The following RYR2 variants were observed in gnomAD, a reference collection of about 807,000 sequenced individuals.
The protein encoded by RYR2 is ryanodine receptor 2.
A neutral mutation model predicts 601.1 loss-of-function variants in RYR2; 227 were observed. The ratio of observed to expected loss-of-function variants is 0.38; its 90% CI spans 0.34 to 0.42. The LOEUF is 0.42. RYR2 is among the 10% of genes least tolerant of loss of function. RYR2 has a pLI of 1.00. For synonymous variants in RYR2, 2,223 were observed against 2,175.1 expected (o/e 1.02, Z -0.61); for missense variants, 4,646 against 6,156.5 (o/e 0.75, Z 8.21).
At position 237,702,007 on chromosome 1, in the gene RYR2, A is replaced by G. The variant is rs1032783973; in HGVS notation, c.9397A>G (p.Ile3133Val). The change falls in exon 66 of 105, where the codon ATT (isoleucine) becomes GTT (valine). Residue 3133 changes from isoleucine (I) to valine (V), a missense_variant. Coordinates refer to ENST00000366574, the MANE Select transcript of RYR2 (RefSeq NM_001035.3). ...LEDVQVSCYRILTSLYALGTS... is the reference protein window; with the variant it reads ...LEDVQVSCYRVLTSLYALGTS... ...AGATGTCCAGGTGTCTTGTTATAGA[A>G]TTCTGACTAGCTTATATGCTTTGGG... 16 of 1,608,814 alleles carry G rather than the reference A, an allele frequency of 9.9e-6. No homozygotes were observed. The African/African-American group carries it at 2.0e-4, about 20-fold the overall frequency.
intron 82 of RYR2, 81 bp downstream of exon 82, chr1:237,757,857 T>C (rs1693087390): frequency 1.1e-6 from 1 of 939,318 alleles, no homozygotes; most frequent in Middle Eastern, 2.2e-4. Flanking sequence ...TGTAAAATGT[T>C]TTATTTTCTA....
At chr1:237,065,105 G>A (rs1351762931) in intron 1 of RYR2, among the ~76,000 whole-genome samples, 1 of 151,770 alleles carries the variant, frequency 6.6e-6, no homozygotes, top group African/African-American at 2.4e-5. Context: ...TTTCTCATTG[G>A]TTATATTTTA....
rs572545884 is a variant in RYR2, at chr1:237,385,148, C to T, written c.577-2133C>T. Among the ~76,000 whole-genome samples the T allele has an allele frequency of 1.6e-4, 24 of 152,228 alleles. No individual in the cohort carries two copies. The East Asian group carries it at 4.6e-3, about 29-fold the overall frequency. On this transcript the variant is annotated intron_variant, in intron 8 of 104. Transcript: ENST00000366574. The stretch of plus-strand genomic sequence containing the variant: ...TCGTGATCCACCTGCCTCAGTCTCC[C>T]ATAGTGCTGTGATTACAGGCGTGAG...
At chr1:237,463,345 G>A (rs987291837) in intron 16 of RYR2, among the ~76,000 whole-genome samples, 1 of 152,124 alleles carries the variant, frequency 6.6e-6, no homozygotes, top group Non-Finnish European at 1.5e-5. Flanking sequence ...AATTTTTAAA[G>A]TGAAGGTAAT....
chr1:237,410,745 G>T (rs933747613), intron 10 of RYR2, among the ~76,000 whole-genome samples: 1 of 152,132 alleles, frequency 6.6e-6, no homozygotes, highest in African/African-American at 2.4e-5. Flanking sequence ...AAGTCATAGT[G>T]GTGGGTGTCA....
chr1:237,653,127 T>C (rs1017668908), intron 51 of RYR2, among the ~76,000 whole-genome samples: 1 of 152,198 alleles, frequency 6.6e-6, no homozygotes. Context: ...TCCAGTTTAG[T>C]TCTAAACAAG....
chr1:237,753,711 T>A (rs988928341), intron 80 of RYR2, among the ~76,000 whole-genome samples: 11 of 152,160 alleles, frequency 7.2e-5, no homozygotes, highest in African/African-American at 2.7e-4. Context: ...CAGGTGGTGT[T>A]TATTTAAGAG....
In RYR2 at chr1:237,647,414, T is replaced by C. The variant is rs79533991; in HGVS notation, c.7343-1030T>C. Among the ~76,000 whole-genome samples, 547 of 152,354 alleles carry C rather than the reference T, an allele frequency of 3.6e-3. 6 individuals carry two copies. The highest frequency in any genetic ancestry group is 0.013 in the African/African-American group (525 of 41,590). ...CAACACATCAGAACTATTATTCTTA[T>C]AATGTAAGGAAAGGAATGTATTAGT... On this transcript the variant is annotated intron_variant, in intron 48 of 104. Coordinates refer to ENST00000366574, the MANE Select transcript of RYR2 (RefSeq NM_001035.3).
At chr1:237,626,580 CTTT>C (rs60885998) in intron 40 of RYR2, among the ~76,000 whole-genome samples, 54 of 40,028 alleles carry the variant, frequency 1.3e-3, no homozygotes, top group African/African-American at 4.9e-3. Flanking sequence ...TTTTCTTTTT[CTTT>C]TTTTTTTTTT....
chr1:237,798,923 A>AT lies in RYR2; in HGVS notation c.14090+757dup, dbSNP rs140553456. 9.3e-3 allele frequency among the ~76,000 whole-genome samples: 1,412 copies of AT among 152,284 alleles called. 25 individuals carry two copies. Among genetic ancestry groups the AT allele is most frequent in the African/African-American group, 0.032 (1,349 of 41,558 alleles). On this transcript the variant is annotated intron_variant, in intron 97 of 104. Coordinates refer to ENST00000366574, the MANE Select transcript of RYR2 (RefSeq NM_001035.3). ...AATTGCTTATTGTAGTCACTTAATG[A>AT]TTTTGGAAGAAACATAATACTTTCT...
At position 237,711,857 on chromosome 1, in the gene RYR2, C is replaced by A; in HGVS notation, c.10323+20C>A. 9.1e-7 allele frequency: 1 copy of A among 1,099,380 alleles called. No individual in the cohort carries two copies. The highest frequency in any genetic ancestry group is 1.5e-5 in the African/African-American group (1 of 64,696). The allele number at this position is 1,099,380 out of a possible 1,614,324, so 68.1% of individuals were successfully genotyped here. On this transcript the variant is annotated intron_variant, in intron 71 of 104. Transcript: ENST00000366574. ...TCAAAGGTATTACTATAAACTGTTT[C>A]ACTGTTCTGGAAAATATCTGAATGT...
intron 58 of RYR2, among the ~76,000 whole-genome samples, chr1:237,672,865 T>C (rs1241694851): frequency 3.3e-5 from 5 of 152,196 alleles, no homozygotes; most frequent in African/African-American, 1.2e-4. Flanking sequence ...TTAGTATTTG[T>C]TAGCTTGGTA....
chr1:237,603,436 C>T (rs1402069171), intron 35 of RYR2, among the ~76,000 whole-genome samples: 1 of 152,174 alleles, frequency 6.6e-6, no homozygotes, highest in Non-Finnish European at 1.5e-5. Context: ...CCCCAAGGGG[C>T]TCTTGCTTCT....
At chr1:237,261,716 C>T (rs867989705) in intron 1 of RYR2, among the ~76,000 whole-genome samples, 2 of 152,120 alleles carry the variant, frequency 1.3e-5, no homozygotes, top group Admixed American at 1.3e-4. Flanking sequence ...GGCAACATGG[C>T]GAGACCCTGT....
chr1:237,603,203 A>G (rs535678130), intron 35 of RYR2, among the ~76,000 whole-genome samples: 61 of 152,250 alleles, frequency 4.0e-4, no homozygotes, highest in Non-Finnish European at 7.5e-4. Flanking sequence ...CCTACCTACT[A>G]TCCAGCGAAA....
At chr1:237,329,749 C>T (rs1558633160) in intron 2 of RYR2, among the ~76,000 whole-genome samples, 5 of 152,084 alleles carry the variant, frequency 3.3e-5, no homozygotes, top group South Asian at 2.1e-4. Context: ...GCTTCTAGTG[C>T]ACCCATCACC....
intron 84 of RYR2, among the ~76,000 whole-genome samples, chr1:237,764,543 GGTT>G (rs1693695309): frequency 1.3e-5 from 2 of 151,648 alleles, no homozygotes; most frequent in African/African-American, 4.8e-5. Flanking sequence ...CCACTTCCCG[GGTT>G]CAAGCGATTC....
Position 237,523,284 on chromosome 1 carries a change from A to G in RYR2, c.2823-7143A>G, listed in dbSNP as rs1269903106. On this transcript the variant is annotated intron_variant, in intron 24 of 104. Transcript: ENST00000366574. ...AAGAAGCCATTAAGAAAATGAAGAGACAGGCCACCAGCTGGGAGAGAATAT... is the reference window on the plus strand; with the variant it reads ...AAGAAGCCATTAAGAAAATGAAGAGGCAGGCCACCAGCTGGGAGAGAATAT... 2.6e-5 allele frequency among the ~76,000 whole-genome samples: 4 copies of G among 152,232 alleles called. No individual in the cohort carries two copies. The East Asian group carries it at 7.7e-4, about 29-fold the overall frequency.
intron 82 of RYR2, 145 bp from the exon 83 acceptor site, chr1:237,759,631 A>T (rs1050391222): frequency 4.6e-6 from 3 of 650,564 alleles, no homozygotes; most frequent in Non-Finnish European, 8.3e-6. Context: ...TTCCTACTTC[A>T]TGATAAAGAT....
Sources: allele counts gnomAD v4.1 joint callset (sites outside exome capture counted in the v4.1 genomes callset), GRCh38; gene constraint gnomAD v4.1.1; transcripts MANE v1.5; gene names NCBI Gene and HGNC (gene_info 2026-07-23, HGNC 2026-07-21).